Variants in KIF21A observed in about 807,000 individuals in gnomAD.
The protein encoded by KIF21A is kinesin-like protein KIF21A.
Under a neutral mutation model 202.9 loss-of-function variants are expected in KIF21A, and 114 were observed. The observed-to-expected ratio is 0.56, with a 90% CI of 0.48 to 0.66. The LOEUF (loss-of-function observed/expected upper bound fraction) is 0.66. Among genes scored for constraint, KIF21A ranks in the 30% least tolerant of loss-of-function variants. The probability of loss-of-function intolerance (pLI) is 0.00; values close to 1 mark genes in which losing one functional copy is unlikely to be tolerated. For synonymous variants in KIF21A, 667 were observed against 670.8 expected (o/e 0.99, Z 0.09); for missense variants, 1,677 against 1,994.9 (o/e 0.84, Z 3.04).
At chr12:39,300,151 T>C (rs73086856) in intron 37 of KIF21A, among the ~76,000 whole-genome samples, 7,815 of 152,118 alleles carry the variant, frequency 0.051, 229 homozygotes, top group Middle Eastern at 0.079. Flanking sequence ...ACTGAGACCA[T>C]ATCCTGGAAG....
chr12:39,323,087 T>C (rs1945465697), intron 26 of KIF21A, among the ~76,000 whole-genome samples: 1 of 136,018 alleles, frequency 7.4e-6, no homozygotes, highest in Non-Finnish European at 1.6e-5. Flanking sequence ...TAGCCAACAT[T>C]TGTATTGTAC....
At chr12:39,339,084 G>A (rs1947226451) in intron 16 of KIF21A, among the ~76,000 whole-genome samples, 1 of 152,006 alleles carries the variant, frequency 6.6e-6, no homozygotes, top group Non-Finnish European at 1.5e-5. Flanking sequence ...TTTGAGACCA[G>A]CCTGACCAAT....
chr12:39,396,237 T>C (rs141948596), intron 1 of KIF21A, among the ~76,000 whole-genome samples: 1 of 152,326 alleles, frequency 6.6e-6, no homozygotes, highest in East Asian at 1.9e-4. Flanking sequence ...TGTAAGAATG[T>C]ACTTTAAAAT....
At chr12:39,309,536 A>C in intron 33 of KIF21A, 50 bp downstream of exon 33, 2 of 1,377,448 alleles carry the variant, frequency 1.5e-6, no homozygotes, top group Admixed American at 2.2e-5. Flanking sequence ...AAAAAAAAAA[A>C]AAAAGAAGAG....
intron 26 of KIF21A, among the ~76,000 whole-genome samples, chr12:39,323,610 C>T (rs1945528134): frequency 1.3e-5 from 2 of 152,114 alleles, no homozygotes; most frequent in Non-Finnish European, 2.9e-5. Context: ...TCTTGACAAC[C>T]AAGTGACTAT....
chr12:39,322,921 C>A, intron 26 of KIF21A, 39 bp from the exon 27 acceptor site: 1 of 1,342,048 alleles, frequency 7.5e-7, no homozygotes, highest in Admixed American at 2.1e-5. Context: ...CAGGAGCAAA[C>A]TCTTGCATAG....
In KIF21A at chr12:39,421,338, C is replaced by T. The variant is rs78474440; in HGVS notation, c.44+21589G>A. Among the ~76,000 whole-genome samples, 1,191 of 152,144 alleles carry T rather than the reference C, an allele frequency of 7.8e-3. 17 individuals carry two copies. The highest frequency in any genetic ancestry group is 0.026 in the African/African-American group (1,098 of 41,496). Reference sequence around the variant, plus strand: ...TGCCTAATGACACATTTCTCTGTGTCGTTAAGAACATATCCTGTTTAAGCA... The same window carrying T: ...TGCCTAATGACACATTTCTCTGTGTTGTTAAGAACATATCCTGTTTAAGCA... On this transcript the variant is annotated intron_variant, in intron 1 of 37. Transcript: ENST00000361418.
intron 1 of KIF21A, among the ~76,000 whole-genome samples, chr12:39,415,730 T>A (rs553662348): frequency 6.6e-6 from 1 of 152,294 alleles, no homozygotes; most frequent in African/African-American, 2.4e-5. Context: ...TCACATTTTG[T>A]TACCTTTGAC....
chr12:39,394,622 T>C (rs1009114006), intron 1 of KIF21A, among the ~76,000 whole-genome samples: 1 of 152,192 alleles, frequency 6.6e-6, no homozygotes, highest in African/African-American at 2.4e-5. Context: ...CCCTCCATGA[T>C]AATGTCACAA....
In KIF21A at chr12:39,301,497, G is replaced by C; in HGVS notation, c.4914C>G (p.His1638Gln). Residue 1638 changes from histidine (H) to glutamine (Q), a missense_variant, in exon 37 of 38, where the codon CAC becomes CAG. His to Gln is a conservative substitution (Grantham distance 24). Around this residue, in one of 3 missense-constraint regions of KIF21A, gnomAD observed 705 missense variants for 791.9 expected, o/e 0.89. Coordinates refer to ENST00000361418, the MANE Select transcript of KIF21A (RefSeq NM_001173464.2). ...AAACTTACTCAGCTGCAGTAAAAAT[G>C]TGGGTGGAATTAACACATATGGCAT... ...PINAICVNSTHIFTAADDRTV... is the reference protein window; with the variant it reads ...PINAICVNSTQIFTAADDRTV... 1 of 1,613,904 alleles carries C rather than the reference G, an allele frequency of 6.2e-7. No homozygotes were observed. Among genetic ancestry groups the C allele is most frequent in the Non-Finnish European group, 8.5e-7 (1 of 1,179,790 alleles).
chr12:39,434,151 C>G (rs1433226686), intron 1 of KIF21A, among the ~76,000 whole-genome samples: 2 of 152,168 alleles, frequency 1.3e-5, no homozygotes, highest in African/African-American at 2.4e-5. Context: ...GGTCAAGAGG[C>G]CTGCAGGCCT....
intron 6 of KIF21A, among the ~76,000 whole-genome samples, chr12:39,366,021 A>T (rs1321357421): frequency 6.6e-6 from 1 of 152,206 alleles, no homozygotes; most frequent in Non-Finnish European, 1.5e-5. Flanking sequence ...AATAAAAGAT[A>T]AAAATAAATA....
chr12:39,307,012 T>C (rs1943537247), intron 34 of KIF21A, among the ~76,000 whole-genome samples: 1 of 152,234 alleles, frequency 6.6e-6, no homozygotes, highest in African/African-American at 2.4e-5. Context: ...TCACACTTCA[T>C]AGGAAATAAA....
intron 1 of KIF21A, among the ~76,000 whole-genome samples, chr12:39,403,582 T>A (rs946629047): frequency 2.6e-5 from 4 of 152,196 alleles, no homozygotes; most frequent in Admixed American, 6.5e-5. Context: ...GTTACTTAAC[T>A]TTCATTAGCC....
intron 7 of KIF21A, among the ~76,000 whole-genome samples, 164 bp from the exon 8 acceptor site, chr12:39,358,537 C>T (rs1485450346): frequency 6.6e-6 from 1 of 152,058 alleles, no homozygotes; most frequent in Non-Finnish European, 1.5e-5. Flanking sequence ...TAAGAAAAAG[C>T]TTTTGTTTAC....
intron 35 of KIF21A, among the ~76,000 whole-genome samples, chr12:39,304,023 C>G (rs779389921): frequency 2.0e-5 from 3 of 152,188 alleles, no homozygotes; most frequent in African/African-American, 4.8e-5. Flanking sequence ...CTACCACCTT[C>G]ATCAATTGCC....
rs1213554459 is a variant in KIF21A, at chr12:39,346,477, T to G, written c.1701A>C (p.Arg567=). 6.8e-7 allele frequency: 1 copy of G among 1,478,288 alleles called. No individual in the cohort carries two copies. The allele number at this position is 1,478,288 out of a possible 1,614,324, so 91.6% of individuals were successfully genotyped here. ...KRLQKLEESN[R]EERSVAGKED... is the part of the protein sequence containing the mutation. The stretch of plus-strand genomic sequence containing the variant: ...GGAAATATTCCAACCTTCTTTCTTC[T>G]CGATTGCTTTCCTCAAGTTTCTGTA... Residue 567 remains arginine (R), a synonymous_variant, in exon 12 of 38, where the codon CGA becomes CGC. Transcript: ENST00000361418.
At chr12:39,395,732 C>G (rs1219743529) in intron 1 of KIF21A, among the ~76,000 whole-genome samples, 1 of 150,930 alleles carries the variant, frequency 6.6e-6, no homozygotes, top group African/African-American at 2.4e-5. Context: ...GTCCCAGCTA[C>G]TTGGGAGGCT....
chr12:39,351,701 T>A, intron 11 of KIF21A, 76 bp downstream of exon 11: 1 of 860,830 alleles, frequency 1.2e-6, no homozygotes. Context: ...AGACTATGTA[T>A]GCTCTTTATA....
Sources: gnomAD v4.1 joint callset for allele counts (sites outside exome capture counted in the v4.1 genomes callset) on GRCh38, gnomAD v4.1.1 for gene constraint, gnomAD v4.1.1 regional missense constraint, MANE v1.5 for transcripts, NCBI Gene and HGNC (gene_info 2026-07-23, HGNC 2026-07-21) for gene names.